NCAM2: variants seen among roughly 807,000 people sequenced by gnomAD.
NCAM2 encodes the protein neural cell adhesion molecule 2.
A neutral mutation model predicts 98.1 loss-of-function variants in NCAM2; 30 were observed. The observed-to-expected ratio is 0.31, with a 90% CI of 0.23 to 0.41. NCAM2 has a LOEUF of 0.41. NCAM2 is among the 10% of genes least tolerant of loss of function. The pLI is 1.00. For synonymous variants in NCAM2, 368 were observed against 342.4 expected (o/e 1.07, Z -0.83); for missense variants, 867 against 1,005.8 (o/e 0.86, Z 1.87).
At chr21:21,529,610 A>G (rs1264525543) in intron 16 of NCAM2, among the ~76,000 whole-genome samples, 1 of 151,872 alleles carries the variant, frequency 6.6e-6, no homozygotes, top group East Asian at 1.9e-4. Context: ...TGTTTTCATG[A>G]TTTATTAATT....
intron 1 of NCAM2, among the ~76,000 whole-genome samples, chr21:21,014,704 A>T (rs1199829954): frequency 2.0e-5 from 3 of 152,214 alleles, no homozygotes; most frequent in Admixed American, 6.5e-5. Context: ...CTCAGGGATC[A>T]AGGAGTAATT....
chr21:21,128,218 A>T (rs1036863436), intron 1 of NCAM2, among the ~76,000 whole-genome samples: 1 of 147,904 alleles, frequency 6.8e-6, no homozygotes, highest in Admixed American at 7.0e-5. Context: ...CAAAGAACAA[A>T]TATAGAGTGA....
intron 15 of NCAM2, among the ~76,000 whole-genome samples, chr21:21,482,295 T>C (rs1295650317): frequency 2.6e-5 from 4 of 152,140 alleles, no homozygotes; most frequent in African/African-American, 9.7e-5. Flanking sequence ...GTTAACATTA[T>C]ATATTTGCAA....
In NCAM2 at chr21:21,121,017, T is replaced by C. The variant is rs967548240; in HGVS notation, c.55+122399T>C. The stretch of plus-strand genomic sequence containing the variant: ...AGGCGTGAGCCACCGCGCCCGGCCA[T>C]GGATGTTTATTTGTACACTGCAAAT... On this transcript the variant is annotated intron_variant, in intron 1 of 17. Coordinates refer to ENST00000400546, the MANE Select transcript of NCAM2 (RefSeq NM_004540.5). Among the ~76,000 whole-genome samples the C allele has an allele frequency of 5.9e-5, 9 of 152,230 alleles. No homozygotes were observed. In the East Asian group the frequency reaches 1.7e-3, roughly 30 times the overall value.
At chr21:21,229,435 G>C (rs540209062) in intron 1 of NCAM2, among the ~76,000 whole-genome samples, 1 of 151,540 alleles carries the variant, frequency 6.6e-6, no homozygotes, top group African/African-American at 2.4e-5. Flanking sequence ...AGGCATTATA[G>C]TATTAATAAA....
intron 12 of NCAM2, among the ~76,000 whole-genome samples, chr21:21,439,290 T>C (rs2146071709): frequency 6.6e-6 from 1 of 152,100 alleles, no homozygotes; most frequent in African/African-American, 2.4e-5. Context: ...GGCTAATTTT[T>C]GTATTTTTAG....
intron 8 of NCAM2, among the ~76,000 whole-genome samples, chr21:21,359,911 GT>G (rs1288404458): frequency 4.0e-5 from 6 of 151,792 alleles, no homozygotes; most frequent in African/African-American, 1.4e-4. Flanking sequence ...ATGTTAAATT[GT>G]TTAAACAACA....
intron 1 of NCAM2, among the ~76,000 whole-genome samples, chr21:21,150,062 G>A (rs2067403352): frequency 6.6e-6 from 1 of 151,844 alleles, no homozygotes; most frequent in Non-Finnish European, 1.5e-5. Flanking sequence ...TTTCTCCACA[G>A]CCTTCTACTT....
chr21:21,043,415 G>A (rs2064944212), intron 1 of NCAM2, among the ~76,000 whole-genome samples: 1 of 152,054 alleles, frequency 6.6e-6, no homozygotes, highest in Admixed American at 6.6e-5. Context: ...AAATTGGATA[G>A]CCGCACATAT....
chr21:21,054,378 G>A (rs941017784), intron 1 of NCAM2, among the ~76,000 whole-genome samples: 6 of 151,920 alleles, frequency 3.9e-5, no homozygotes, highest in African/African-American at 9.7e-5. Context: ...TACTGCTAAC[G>A]TACTCCTGTG....
intron 14 of NCAM2, among the ~76,000 whole-genome samples, chr21:21,469,198 CCATA>C (rs1350986304): frequency 1.3e-5 from 2 of 151,952 alleles, no homozygotes; most frequent in Admixed American, 6.6e-5. Flanking sequence ...ACTTACTTAT[CCATA>C]ATGTTTAACA....
chr21:21,253,181 A>G (rs920962502), intron 1 of NCAM2, among the ~76,000 whole-genome samples: 2 of 152,152 alleles, frequency 1.3e-5, no homozygotes, highest in Middle Eastern at 3.2e-3. Flanking sequence ...CACTTCTCTC[A>G]CATTCTTTCC....
intron 6 of NCAM2, among the ~76,000 whole-genome samples, chr21:21,332,059 C>T (rs1207503715): frequency 1.3e-5 from 2 of 151,846 alleles, no homozygotes; most frequent in Non-Finnish European, 2.9e-5. Flanking sequence ...CCCACCACCA[C>T]GCCCAGCTAA....
At position 21,468,720 on chromosome 21, in the gene NCAM2, C is replaced by G; in HGVS notation, c.1833C>G (p.Leu611=). 2 of 1,611,970 alleles carry G rather than the reference C, an allele frequency of 1.2e-6. No individual in the cohort carries two copies. Among genetic ancestry groups the G allele is most frequent in the Non-Finnish European group, 8.5e-7 (1 of 1,178,670 alleles). ...CAAGCAGTGGAAAGAGCTTTAAACT[C>G]AGCATCACCAAACAGGACGATGGAG... ...GQPSSGKSFK[L]SITKQDDGGA... Residue 611 remains leucine, a synonymous_variant, in exon 14 of 18, where the codon CTC becomes CTG. Coordinates refer to ENST00000400546, the MANE Select transcript of NCAM2 (RefSeq NM_004540.5).
chr21:21,198,615 C>A (rs1211649494), intron 1 of NCAM2, among the ~76,000 whole-genome samples: 1 of 152,130 alleles, frequency 6.6e-6, no homozygotes. Flanking sequence ...CCTCAAGATT[C>A]ACTTTCTTCT....
chr21:21,363,915 C>A (rs2075718150), intron 8 of NCAM2, among the ~76,000 whole-genome samples: 1 of 151,968 alleles, frequency 6.6e-6, no homozygotes, highest in African/African-American at 2.4e-5. Context: ...TCTGTTAGAT[C>A]CTCTCTGAAG....
intron 1 of NCAM2, among the ~76,000 whole-genome samples, chr21:21,278,293 A>G (rs1762807517): frequency 6.6e-6 from 1 of 152,064 alleles, no homozygotes; most frequent in South Asian, 2.1e-4. Flanking sequence ...AACCCCATAC[A>G]TCTCTTCAGA....
At chr21:21,347,946 A>G (rs1182060423) in intron 8 of NCAM2, among the ~76,000 whole-genome samples, 2 of 152,108 alleles carry the variant, frequency 1.3e-5, no homozygotes, top group Non-Finnish European at 2.9e-5. Flanking sequence ...AAAACTGGGA[A>G]TAGAAGGAAT....
chr21:21,087,283 C>T (rs186648810), intron 1 of NCAM2, among the ~76,000 whole-genome samples: 1,586 of 152,210 alleles, frequency 0.01, 11 homozygotes, highest in Non-Finnish European at 0.016. Context: ...ACTTGCTTCA[C>T]GAAACTGACT....
Sources: allele counts gnomAD v4.1 joint callset (sites outside exome capture counted in the v4.1 genomes callset), GRCh38; gene constraint gnomAD v4.1.1; transcripts MANE v1.5; gene names NCBI Gene and HGNC (gene_info 2026-07-23, HGNC 2026-07-21).